The following GRM1 variants were observed in gnomAD, a reference collection of about 807,000 sequenced individuals.
GRM1 encodes metabotropic glutamate receptor 1.
In GRM1, 33 loss-of-function variants were observed where a neutral mutation model predicts 90.9. The ratio of observed to expected loss-of-function variants is 0.36; its 90% CI spans 0.28 to 0.49. The LOEUF (loss-of-function observed/expected upper bound fraction) is 0.49, where lower values mean the gene tolerates loss of function less well. GRM1 is among the 20% of genes least tolerant of loss of function. The pLI is 0.99. For missense variants in GRM1, 1,190 were observed against 1,534.3 expected (o/e 0.78, Z 3.75); for synonymous variants, 700 against 613.2 (o/e 1.14, Z -2.09).
chr6:146,148,458 A>G (rs190298120), intron 1 of GRM1, among the ~76,000 whole-genome samples: 341 of 152,258 alleles, frequency 2.2e-3, no homozygotes, highest in Non-Finnish European at 3.9e-3. Flanking sequence ...TAAAAATATG[A>G]CATAAATATT....
intron 3 of GRM1, among the ~76,000 whole-genome samples, chr6:146,326,622 A>G (rs745403373): frequency 3.9e-5 from 6 of 152,170 alleles, no homozygotes; most frequent in African/African-American, 9.7e-5. Flanking sequence ...ATATGAATAA[A>G]TAATAGTAAA....
intron 7 of GRM1, among the ~76,000 whole-genome samples, chr6:146,412,050 T>C (rs1169040817): frequency 6.6e-6 from 1 of 152,162 alleles, no homozygotes; most frequent in Admixed American, 6.5e-5. Flanking sequence ...AATGTTTAAC[T>C]ATTGAACCTT....
rs981482035 is a variant in GRM1 at position 146,387,112 on chromosome 6, A to G, written c.1729+96A>G. 2.4e-5 allele frequency: 28 copies of G among 1,179,606 alleles called. No homozygotes were observed. The Admixed American group carries it at 3.4e-4, about 14-fold the overall frequency. 73.1% of individuals were successfully genotyped at this position (1,179,606 alleles called of 1,614,324 possible). Reference sequence around the variant, plus strand: ...AGAATGATTAGCTCATGTCTTCTCAATGTTAATTTACAATGCACACTTTTT... The same window carrying G: ...AGAATGATTAGCTCATGTCTTCTCAGTGTTAATTTACAATGCACACTTTTT... On this transcript the variant is annotated intron_variant, in intron 6 of 7. Transcript: ENST00000282753.
chr6:146,386,986 T>C lies in GRM1; in HGVS notation c.1699T>C (p.Leu567=). Residue 567 remains leucine (L), a synonymous_variant, in exon 6 of 8, where the codon TTG becomes CTG. Coordinates refer to ENST00000282753, the MANE Select transcript of GRM1 (RefSeq NM_001278064.2). ...TGAGTTCACCTGCAAAGCTTGTGAC[T>C]TGGGATGGTGGCCCAATGCAGATCT... ...QDEFTCKACD[L]GWWPNADLTG... The C allele has an allele frequency of 6.2e-7, 1 of 1,613,192 alleles. No homozygotes were observed. Among genetic ancestry groups the C allele is most frequent in the Non-Finnish European group, 8.5e-7 (1 of 1,179,272 alleles).
At chr6:146,118,329 C>T (rs1279740188) in intron 1 of GRM1, among the ~76,000 whole-genome samples, 1 of 151,838 alleles carries the variant, frequency 6.6e-6, no homozygotes, top group Non-Finnish European at 1.5e-5. Context: ...TTAGTAGAGA[C>T]AAGGTTTCAC....
intron 5 of GRM1, among the ~76,000 whole-genome samples, chr6:146,376,469 T>G (rs1776102685): frequency 6.6e-6 from 1 of 152,158 alleles, no homozygotes. Context: ...TGGTATTGAT[T>G]AAATCCCTCA....
At chr6:146,267,066 T>G (rs1425934992) in intron 2 of GRM1, among the ~76,000 whole-genome samples, 1 of 152,140 alleles carries the variant, frequency 6.6e-6, no homozygotes. Context: ...CAGGCCCCAA[T>G]GTGTGTTATT....
At position 146,321,416 on chromosome 6, in the gene GRM1, A is replaced by T. The variant is rs529595620; in HGVS notation, c.1186+16570A>T. ...TGTGGTCAATTTTAGAATAAGTGCG[A>T]TGTGGTGCTGAGAAGAATGTATATT... On this transcript the variant is annotated intron_variant, in intron 3 of 7. Coordinates refer to ENST00000282753, the MANE Select transcript of GRM1 (RefSeq NM_001278064.2). Among the ~76,000 whole-genome samples the T allele has an allele frequency of 8.5e-5, 13 of 152,242 alleles. No individual in the cohort carries two copies. The East Asian group carries it at 2.5e-3, about 29-fold the overall frequency.
chr6:146,056,774 A>G (rs1482708315), intron 1 of GRM1, among the ~76,000 whole-genome samples: 4 of 152,140 alleles, frequency 2.6e-5, no homozygotes, highest in Non-Finnish European at 4.4e-5. Context: ...CAAATATTTG[A>G]AATCTGCCTA....
At chr6:146,066,907 GA>G (rs1468919205) in intron 1 of GRM1, among the ~76,000 whole-genome samples, 1 of 151,990 alleles carries the variant, frequency 6.6e-6, no homozygotes, top group Non-Finnish European at 1.5e-5. Flanking sequence ...ATGGTTGTAT[GA>G]TACTCAATCT....
intron 1 of GRM1, among the ~76,000 whole-genome samples, chr6:146,095,067 A>G (rs558884190): frequency 9.2e-5 from 14 of 152,162 alleles, no homozygotes; most frequent in Non-Finnish European, 1.8e-4. Context: ...ACTGAAATTG[A>G]AGTTTTAAGT....
At chr6:146,035,359 T>G (rs80178568) in intron 1 of GRM1, among the ~76,000 whole-genome samples, 6,037 of 152,026 alleles carry the variant, frequency 0.04, 390 homozygotes, top group African/African-American at 0.13. Context: ...CAAGAGAACA[T>G]ATATTATTGG....
At chr6:146,287,494 C>T (rs768348649) in intron 2 of GRM1, among the ~76,000 whole-genome samples, 1 of 152,146 alleles carries the variant, frequency 6.6e-6, no homozygotes, top group Non-Finnish European at 1.5e-5. Context: ...TTTTCTCACT[C>T]CTTCGTTTAT....
At chr6:146,173,551 C>A (rs950664624) in intron 2 of GRM1, among the ~76,000 whole-genome samples, 3 of 151,916 alleles carry the variant, frequency 2.0e-5, no homozygotes, top group African/African-American at 7.2e-5. Context: ...GAGCCACTGC[C>A]TTAATCATTC....
intron 1 of GRM1, among the ~76,000 whole-genome samples, chr6:146,082,866 G>A (rs978869743): frequency 2.6e-5 from 4 of 152,172 alleles, no homozygotes; most frequent in Non-Finnish European, 5.9e-5. Flanking sequence ...TCCTATCCAT[G>A]AGGATGAAAT....
chr6:146,196,148 G>A (rs1216321090), intron 2 of GRM1, among the ~76,000 whole-genome samples: 1 of 152,174 alleles, frequency 6.6e-6, no homozygotes, highest in Admixed American at 6.6e-5. Context: ...CATGAGGAAC[G>A]TGATTTTTAA....
intron 1 of GRM1, among the ~76,000 whole-genome samples, chr6:146,058,759 T>C (rs777161792): frequency 1.6e-4 from 24 of 152,296 alleles, no homozygotes; most frequent in Non-Finnish European, 3.2e-4. Context: ...ACTAAGTTTA[T>C]GTAATGGTCT....
chr6:146,060,730 T>C (rs951844614), intron 1 of GRM1, among the ~76,000 whole-genome samples: 3 of 152,146 alleles, frequency 2.0e-5, no homozygotes, highest in Non-Finnish European at 2.9e-5. Flanking sequence ...GGTGTCTTTA[T>C]GGTAGAATGA....
intron 1 of GRM1, among the ~76,000 whole-genome samples, chr6:146,044,191 C>T (rs1429662705): frequency 6.6e-6 from 1 of 151,882 alleles, no homozygotes; most frequent in Non-Finnish European, 1.5e-5. Context: ...TGTTCAACCT[C>T]GATATGGGTG....
Sources: gnomAD v4.1 joint callset for allele counts (sites outside exome capture counted in the v4.1 genomes callset) on GRCh38, gnomAD v4.1.1 for gene constraint, MANE v1.5 for transcripts, NCBI Gene and HGNC (gene_info 2026-07-23, HGNC 2026-07-21) for gene names.